Variants in NLK observed in about 807,000 individuals in gnomAD.
The protein encoded by NLK is nemo like kinase, also known as serine/threonine-protein kinase NLK.
In NLK, 11 loss-of-function variants were observed where a neutral mutation model predicts 59.0. That is an observed-to-expected ratio of 0.19 (90% CI 0.12 to 0.31). NLK has a LOEUF of 0.31. Among genes scored for constraint, NLK ranks in the 10% least tolerant of loss-of-function variants. The pLI, the probability that NLK is intolerant of heterozygous loss-of-function variation, is 1.00. For missense variants in NLK, 410 were observed against 661.1 expected (o/e 0.62, Z 4.16); for synonymous variants, 235 against 235.9 (o/e 1.00, Z 0.03).
At chr17:28,064,116 CAT>C (rs1188189112) in intron 1 of NLK, among the ~76,000 whole-genome samples, 3 of 144,890 alleles carry the variant, frequency 2.1e-5, no homozygotes, top group East Asian at 4.3e-4. Flanking sequence ...GGATGGCTAA[CAT>C]AGTAGTTAAC....
chr17:28,132,200 A>G (rs1906547182), intron 2 of NLK, among the ~76,000 whole-genome samples: 1 of 152,186 alleles, frequency 6.6e-6, no homozygotes, highest in Non-Finnish European at 1.5e-5. Flanking sequence ...GATGATGCCT[A>G]TTTTGTTCAA....
At position 28,153,656 on chromosome 17, in the gene NLK, G is replaced by T. The variant is rs78297419; in HGVS notation, c.645-7504G>T. On this transcript the variant is annotated intron_variant, in intron 3 of 10. Coordinates refer to ENST00000407008, the MANE Select transcript of NLK (RefSeq NM_016231.5). Reference sequence around the variant, plus strand: ...TAACAAAACGCTTAATGCAGGGATGGCAATTGTGAAATTTTTATTTTTGTT... The same window carrying T: ...TAACAAAACGCTTAATGCAGGGATGTCAATTGTGAAATTTTTATTTTTGTT... Among the ~76,000 whole-genome samples, 3 of 152,226 alleles carry T rather than the reference G, an allele frequency of 2.0e-5. No homozygotes were observed. The East Asian group carries it at 5.8e-4, about 29-fold the overall frequency.
intron 1 of NLK, among the ~76,000 whole-genome samples, chr17:28,044,324 G>A (rs1296027165): frequency 6.6e-6 from 1 of 152,070 alleles, no homozygotes; most frequent in African/African-American, 2.4e-5. Context: ...CGAGAAAAGC[G>A]CCCATTACCA....
chr17:28,199,106 C>T (rs368529414), downstream of NLK, among the ~76,000 whole-genome samples: 3 of 152,120 alleles, frequency 2.0e-5, no homozygotes, highest in Non-Finnish European at 2.9e-5. Context: ...ATATGGTAGA[C>T]GTTTTCCGCA....
In NLK at chr17:28,124,211, C is replaced by T. The variant is rs1037903546; in HGVS notation, c.588+1479C>T. 4.6e-5 allele frequency among the ~76,000 whole-genome samples: 7 copies of T among 152,236 alleles called. 1 individual carries two copies. The highest frequency in any genetic ancestry group is 6.8e-3 in the Middle Eastern group (2 of 294). ...TCAATTGGAACTGCCTAGCAATATG[C>T]TTGTTTTAATACATTTCAAAATACC... is the stretch of plus-strand genomic sequence containing the variant. On this transcript the variant is annotated intron_variant, in intron 2 of 10. Transcript: ENST00000407008.
At chr17:28,096,888 C>T (rs1438146680) in intron 1 of NLK, among the ~76,000 whole-genome samples, 1 of 152,166 alleles carries the variant, frequency 6.6e-6, no homozygotes, top group Non-Finnish European at 1.5e-5. Context: ...GTGTATTCTT[C>T]TTCCAGTAGT....
At chr17:28,186,443 T>G (rs1426885432) in intron 8 of NLK, among the ~76,000 whole-genome samples, 1 of 152,252 alleles carries the variant, frequency 6.6e-6, no homozygotes, top group East Asian at 1.9e-4. Context: ...TTTGCTGTTG[T>G]TTTCTTTTTT....
chr17:28,069,824 T>C (rs1909949315), intron 1 of NLK, among the ~76,000 whole-genome samples: 1 of 152,216 alleles, frequency 6.6e-6, no homozygotes, highest in Non-Finnish European at 1.5e-5. Context: ...TCCTACTCTG[T>C]AACTTACCTT....
At chr17:28,046,572 C>T (rs1909061193) in intron 1 of NLK, among the ~76,000 whole-genome samples, 1 of 152,190 alleles carries the variant, frequency 6.6e-6, no homozygotes, top group African/African-American at 2.4e-5. Flanking sequence ...AAGCAACCCA[C>T]AAATAGTAAC....
chr17:28,064,337 C>T (rs563265839), intron 1 of NLK, among the ~76,000 whole-genome samples: 6 of 151,646 alleles, frequency 4.0e-5, no homozygotes, highest in African/African-American at 1.5e-4. Flanking sequence ...TGTGTAGAGA[C>T]GAGATCTCTC....
Position 28,185,245 on chromosome 17 carries a change from A to G in NLK, c.1216A>G (p.Arg406Gly). 1 of 1,586,224 alleles carries G rather than the reference A, an allele frequency of 6.3e-7. No individual in the cohort carries two copies. Among genetic ancestry groups the G allele is most frequent in the Non-Finnish European group, 8.6e-7 (1 of 1,164,312 alleles). Reference protein sequence around the residue: ...ATHEAVHLLCRMLVFDPSKRI... With the variant: ...ATHEAVHLLCGMLVFDPSKRI... ...ACATGAAGCTGTTCATCTCCTTTGC[A>G]GGATGTTGGTCTTTGATCCAGTAAG... The change falls in exon 8 of 11, where the codon AGG becomes GGG. Residue 406 changes from arginine to glycine, a missense_variant. Physicochemically the swap from Arg to Gly is moderately radical, Grantham distance 125. This residue lies in a region of NLK where 150 missense variants were observed against 244.3 expected (regional missense o/e 0.61). Transcript: ENST00000407008.
intron 3 of NLK, among the ~76,000 whole-genome samples, chr17:28,138,804 T>TA (rs1213525151): frequency 6.6e-6 from 1 of 152,212 alleles, no homozygotes; most frequent in African/African-American, 2.4e-5. Context: ...TATTCATTGT[T>TA]ACACTGCCAG....
rs189482647 is a variant in NLK at position 28,065,907 on chromosome 17, A to G, written c.458+22576A>G. ...CACACAGCTATTTCTAACCACTACC[A>G]CTTTCCTCAAGTTCCTACTCCACCT... On this transcript the variant is annotated intron_variant, in intron 1 of 10. Coordinates refer to ENST00000407008, the MANE Select transcript of NLK (RefSeq NM_016231.5). Among the ~76,000 whole-genome samples the G allele has an allele frequency of 2.9e-3, 435 of 152,148 alleles. 4 individuals carry two copies. The highest frequency in any genetic ancestry group is 0.01 in the African/African-American group (415 of 41,480).
At chr17:28,078,943 T>G (rs1472055083) in intron 1 of NLK, among the ~76,000 whole-genome samples, 1 of 152,190 alleles carries the variant, frequency 6.6e-6, no homozygotes, top group East Asian at 1.9e-4. Flanking sequence ...TACAGTATAG[T>G]TGTGTTAACT....
At chr17:28,067,911 CAGG>C (rs1909887184) in intron 1 of NLK, among the ~76,000 whole-genome samples, 9 of 151,680 alleles carry the variant, frequency 5.9e-5, no homozygotes, top group Admixed American at 4.6e-4. Context: ...GAGGCCATGG[CAGG>C]TGAATCACCT....
Position 28,076,019 on chromosome 17 carries a change from GTA to G in NLK, c.458+32692_458+32693del, listed in dbSNP as rs145078344. 2.0e-5 allele frequency among the ~76,000 whole-genome samples: 3 copies of G among 152,160 alleles called. No individual in the cohort carries two copies. The East Asian group carries it at 5.8e-4, about 29-fold the overall frequency. On this transcript the variant is annotated intron_variant, in intron 1 of 10. Coordinates refer to ENST00000407008, the MANE Select transcript of NLK (RefSeq NM_016231.5). ...AGCCCAGTTTTGTTGTCCTTTTTTT[GTA>G]TATGTCTTAAATGAGGTGAGTTGTT...
chr17:28,180,500 T>C (rs186351511), intron 7 of NLK, among the ~76,000 whole-genome samples: 20 of 152,324 alleles, frequency 1.3e-4, no homozygotes, highest in African/African-American at 4.6e-4. Flanking sequence ...CAGGGGTGTG[T>C]GTACTGGTGC....
intron 1 of NLK, among the ~76,000 whole-genome samples, chr17:28,087,047 C>T (rs1181867733): frequency 6.8e-6 from 1 of 148,124 alleles, no homozygotes; most frequent in Non-Finnish European, 1.5e-5. Flanking sequence ...GACCTTGTCG[C>T]TCTCAAAAAA....
chr17:28,064,001 A>G (rs535918877), intron 1 of NLK, among the ~76,000 whole-genome samples: 101 of 152,284 alleles, frequency 6.6e-4, no homozygotes, highest in Non-Finnish European at 1.2e-3. Context: ...TGAGATGTCA[A>G]AATAATCTAC....
Sources: gnomAD v4.1 joint callset for allele counts (sites outside exome capture counted in the v4.1 genomes callset) on GRCh38, gnomAD v4.1.1 for gene constraint, gnomAD v4.1.1 regional missense constraint, MANE v1.5 for transcripts, NCBI Gene and HGNC (gene_info 2026-07-23, HGNC 2026-07-21) for gene names.